The following NPAT variants were observed in gnomAD, a reference collection of about 807,000 sequenced individuals.
NPAT encodes nuclear protein, coactivator of histone transcription, also known as protein NPAT.
NPAT carries 52 observed loss-of-function variants against 130.7 expected under a neutral mutation model. The ratio of observed to expected loss-of-function variants is 0.40; its 90% CI spans 0.32 to 0.50. The LOEUF (loss-of-function observed/expected upper bound fraction) is 0.50, where lower values mean the gene tolerates loss of function less well. NPAT is among the 20% of genes least tolerant of loss of function. NPAT has a pLI of 0.68. For missense variants in NPAT, 1,687 were observed against 1,662.6 expected (o/e 1.01, Z -0.26); for synonymous variants, 580 against 584.8 (o/e 0.99, Z 0.12).
chr11:108,208,217 T>A (rs975681107), intron 1 of NPAT, among the ~76,000 whole-genome samples: 7 of 152,188 alleles, frequency 4.6e-5, no homozygotes, highest in African/African-American at 1.4e-4. Context: ...GCATTCTGAA[T>A]TTTTGCATTA....
chr11:108,185,991 G>A (rs2134857125), intron 8 of NPAT, among the ~76,000 whole-genome samples: 1 of 151,726 alleles, frequency 6.6e-6, no homozygotes, highest in South Asian at 2.1e-4. Context: ...AAAGTGCTGG[G>A]ATTACAGGTA....
intron 1 of NPAT, among the ~76,000 whole-genome samples, chr11:108,220,702 G>A (rs2078477319): frequency 6.6e-6 from 1 of 152,186 alleles, no homozygotes; most frequent in South Asian, 2.1e-4. Context: ...AACGACAAAA[G>A]TAAGAGCATT....
At chr11:108,204,055 TTGCAAAACAGCACC>T in intron 1 of NPAT, among the ~76,000 whole-genome samples, 1 of 152,182 alleles carries the variant, frequency 6.6e-6, no homozygotes, top group African/African-American at 2.4e-5. Context: ...ACTGCTGTTT[TTGCAAAACAGCACC>T]CCGTCAGCAG....
At chr11:108,179,032 G>C (rs923487891) in intron 10 of NPAT, among the ~76,000 whole-genome samples, 28 of 152,108 alleles carry the variant, frequency 1.8e-4, no homozygotes, top group Admixed American at 1.0e-3. Context: ...CAAACATGTA[G>C]ACCAATAAAA....
intron 10 of NPAT, among the ~76,000 whole-genome samples, chr11:108,177,501 C>A (rs1263279566): frequency 6.6e-6 from 1 of 152,066 alleles, no homozygotes; most frequent in Non-Finnish European, 1.5e-5. Flanking sequence ...TTAGCAGACA[C>A]TCGACTATTT....
intron 1 of NPAT, among the ~76,000 whole-genome samples, chr11:108,204,530 C>T (rs552085889): frequency 4.1e-5 from 6 of 145,204 alleles, no homozygotes; most frequent in South Asian, 2.3e-4. Context: ...TTCTCAGATG[C>T]GGGACAAAAC....
At chr11:108,216,599 G>C (rs1464703979) in intron 1 of NPAT, among the ~76,000 whole-genome samples, 1 of 151,650 alleles carries the variant, frequency 6.6e-6, no homozygotes, top group Non-Finnish European at 1.5e-5. Flanking sequence ...ACAGAATACA[G>C]TGATACACAG....
chr11:108,181,063 G>A (rs1177111305), intron 10 of NPAT, among the ~76,000 whole-genome samples: 2 of 152,180 alleles, frequency 1.3e-5, no homozygotes, highest in African/African-American at 4.8e-5. Flanking sequence ...GTAAATAAGA[G>A]CTTTACAGAT....
At chr11:108,209,096 A>G (rs758842993) in intron 1 of NPAT, among the ~76,000 whole-genome samples, 4 of 151,978 alleles carry the variant, frequency 2.6e-5, no homozygotes, top group Admixed American at 6.6e-5. Flanking sequence ...CCTGGCCAAC[A>G]TGGTAAACTC....
At chr11:108,210,130 G>A (rs971373892) in intron 1 of NPAT, among the ~76,000 whole-genome samples, 12 of 150,988 alleles carry the variant, frequency 7.9e-5, no homozygotes, top group Non-Finnish European at 1.5e-5. Flanking sequence ...AGTAAGAGGG[G>A]ATATTACTAT....
intron 1 of NPAT, among the ~76,000 whole-genome samples, chr11:108,219,076 C>G (rs1033786608): frequency 6.6e-6 from 1 of 152,148 alleles, no homozygotes; most frequent in South Asian, 2.1e-4. Context: ...ACCCTTCTGT[C>G]GCTCTCTACT....
chr11:108,160,549 A>C (rs2077836382), intron 17 of NPAT, among the ~76,000 whole-genome samples: 1 of 131,458 alleles, frequency 7.6e-6, no homozygotes, highest in African/African-American at 2.5e-5. Flanking sequence ...TTCTACCAAG[A>C]AAGAAAGAAA....
At chr11:108,171,854 A>G (rs1200711378) in intron 13 of NPAT, 3 of 224,030 alleles carry the variant, frequency 1.3e-5, no homozygotes, top group African/African-American at 2.3e-5. Flanking sequence ...GACCATGACT[A>G]TAAGAGCTAT....
chr11:108,208,722 A>G lies in NPAT; in HGVS notation c.38-11302T>C, dbSNP rs541359354. The G allele has an allele frequency of 4.2e-4, 115 of 272,774 alleles. 1 individual carries two copies. The highest frequency in any genetic ancestry group is 2.4e-3 in the African/African-American group (106 of 43,584). 16.9% of individuals were successfully genotyped at this position (272,774 alleles called of 1,614,324 possible). On this transcript the variant is annotated intron_variant, in intron 1 of 17. Transcript: ENST00000278612. The stretch of plus-strand genomic sequence containing the variant: ...TCAACAATAAAAGTTGAAGGCTTCT[A>G]TACCACACTTTCAGTAATACATAGA...
intron 1 of NPAT, among the ~76,000 whole-genome samples, chr11:108,204,053 T>G (rs2078300593): frequency 6.6e-6 from 1 of 152,156 alleles, no homozygotes; most frequent in Admixed American, 6.6e-5. Flanking sequence ...AGACTGCTGT[T>G]TTTGCAAAAC....
At position 108,158,735 on chromosome 11, in the gene NPAT, G is replaced by GT; in HGVS notation, c.*206dup. On this transcript the variant is annotated 3_prime_UTR_variant, in exon 18 of 18. Transcript: ENST00000278612. ...TGGCTTTACTTACATTTCTGCAAAC[G>GT]TTTTTCCCAAAATAAAAATATACCA... 2.0e-6 allele frequency: 1 copy of GT among 496,160 alleles called. No homozygotes were observed. Among genetic ancestry groups the GT allele is most frequent in the Non-Finnish European group, 3.6e-6 (1 of 274,946 alleles). 30.7% of individuals were successfully genotyped at this position (496,160 alleles called of 1,614,324 possible).
At chr11:108,204,008 T>C (rs1025220072) in intron 1 of NPAT, among the ~76,000 whole-genome samples, 15 of 152,226 alleles carry the variant, frequency 9.9e-5, no homozygotes, top group African/African-American at 3.4e-4. Flanking sequence ...GATGGCTCCC[T>C]TTTACTGGGA....
At chr11:108,191,454 T>G (rs2078168435) in intron 4 of NPAT, among the ~76,000 whole-genome samples, 2 of 151,896 alleles carry the variant, frequency 1.3e-5, no homozygotes, top group South Asian at 4.2e-4. Flanking sequence ...TCCAACAAGA[T>G]CCACAAAACT....
intron 1 of NPAT, among the ~76,000 whole-genome samples, chr11:108,212,039 A>G (rs574148767): frequency 2.6e-5 from 4 of 152,224 alleles, no homozygotes; most frequent in Non-Finnish European, 4.4e-5. Context: ...ACTAGAAATA[A>G]AAAGAAATTT....
Sources: allele counts gnomAD v4.1 joint callset (sites outside exome capture counted in the v4.1 genomes callset), GRCh38; gene constraint gnomAD v4.1.1; transcripts MANE v1.5; gene names NCBI Gene and HGNC (gene_info 2026-07-23, HGNC 2026-07-21).